Variants in ZNF324B observed in about 807,000 individuals in gnomAD.
ZNF324B encodes zinc finger protein 324B.
ZNF324B carries 7 observed loss-of-function variants against 10.6 expected under a neutral mutation model. The ratio of observed to expected loss-of-function variants is 0.66; its 90% confidence interval spans 0.38 to 1.24. The LOEUF (loss-of-function observed/expected upper bound fraction) is 1.24. Among genes scored for constraint, ZNF324B ranks in the 50% most tolerant of loss-of-function variants. The pLI is 0.02. For missense variants in ZNF324B, 640 were observed against 764.7 expected, an observed-to-expected ratio of 0.84 and a Z score of 1.92; for synonymous variants, 316 against 321.0, an observed-to-expected ratio of 0.98 and a Z score of 0.17.
At chr19:58,444,492 G>A in the ZNF324B span, 1 of 152,166 alleles carries the variant, frequency 6.6e-6, no homozygotes, top group African/African-American at 2.4e-5. Flanking sequence ...TAAATACATA[G>A]ATACCTAAAT....
the ZNF324B span, among the ~76,000 whole-genome samples, chr19:58,431,788 G>A: frequency 2.0e-5 from 3 of 152,158 alleles, no homozygotes; most frequent in Non-Finnish European, 4.4e-5. Flanking sequence ...TCAGGAGATC[G>A]AGACCATCCT....
At position 58,456,612 on chromosome 19, in the gene ZNF324B, C is replaced by G. The variant is rs56662577; in HGVS notation, c.*33C>G. Reference sequence around the variant, plus strand: ...GGTCGCAGCCCAACCCTTTCTTGGCCTTCTGTGAATCCCTTCCACAGCTAA... The same window carrying G: ...GGTCGCAGCCCAACCCTTTCTTGGCGTTCTGTGAATCCCTTCCACAGCTAA... On this transcript the variant is annotated 3_prime_UTR_variant, in exon 4 of 4. Coordinates refer to ENST00000336614, the MANE Select transcript of ZNF324B (RefSeq NM_207395.3). This position sits in a 1 kb window ranked among gnomAD's most constrained non-coding sequence, Gnocchi z 4.7. The G allele has an allele frequency of 1.3e-3, 2,013 of 1,594,374 alleles. 25 individuals are homozygous for G. In the African/African-American group the frequency reaches 0.024, roughly 19 times the overall value.
At chr19:58,437,268 G>T in the ZNF324B span, 2 of 1,528,398 alleles carry the variant, frequency 1.3e-6, no homozygotes, top group East Asian at 4.5e-5. Flanking sequence ...ACCTTGCTGT[G>T]TGACTCAGAA....
chr19:58,438,472 A>AT, the ZNF324B span, among the ~76,000 whole-genome samples: 37,292 of 129,766 alleles, frequency 0.29, 6,837 homozygotes, highest in African/African-American at 0.49. Flanking sequence ...TCTAAGGTCA[A>AT]TTTTTTTTTT....
chr19:58,421,661 G>T, the ZNF324B span, among the ~76,000 whole-genome samples: 1 of 152,132 alleles, frequency 6.6e-6, no homozygotes, highest in Non-Finnish European at 1.5e-5. Flanking sequence ...TTACAGGCGT[G>T]AGCCACCGTG....
the ZNF324B span, among the ~76,000 whole-genome samples, chr19:58,438,930 C>T: frequency 1.2e-4 from 18 of 152,014 alleles, no homozygotes; most frequent in Non-Finnish European, 1.5e-4. Flanking sequence ...ACTACCATGT[C>T]CTGGCTAATT....
chr19:58,442,411 T>A, the ZNF324B span: 2 of 151,510 alleles, frequency 1.3e-5, no homozygotes, highest in African/African-American at 4.9e-5. Flanking sequence ...CCTGACCTCA[T>A]GATCCACCCG....
chr19:58,439,422 C>T, the ZNF324B span, among the ~76,000 whole-genome samples: 1 of 152,222 alleles, frequency 6.6e-6, no homozygotes, highest in East Asian at 1.9e-4. Flanking sequence ...TATTGGTTTC[C>T]CTTCCCTGTT....
the ZNF324B span, chr19:58,437,200 A>G: frequency 1.3e-6 from 2 of 1,599,404 alleles, no homozygotes; most frequent in East Asian, 2.2e-5. Context: ...GCTGAGCCAC[A>G]GGGCCAAGAA....
At chr19:58,428,508 C>A in the ZNF324B span, 1 of 152,150 alleles carries the variant, frequency 6.6e-6, no homozygotes. Flanking sequence ...ATGAAGGCCA[C>A]GGCCATATGA....
chr19:58,421,719 T>C, the ZNF324B span, among the ~76,000 whole-genome samples: 1 of 152,196 alleles, frequency 6.6e-6, no homozygotes, highest in Non-Finnish European at 1.5e-5. Flanking sequence ...CATAAAATTA[T>C]GAAATACTTA....
At chr19:58,445,233 C>T in the ZNF324B span, 1 of 333,112 alleles carries the variant, frequency 3.0e-6, no homozygotes, top group African/African-American at 2.2e-5. Flanking sequence ...TCAGAGAGGC[C>T]CAGTGCATGC....
At position 58,456,036 on chromosome 19, in the gene ZNF324B, G is replaced by A. The variant is rs769075987; in HGVS notation, c.1092G>A (p.Ala364=). ...TCAGCCAGCACCGCAAGATCCACGC[G>A]GGTGGGCGTCCTTATGCTTGCGCAC... ...SNLSQHRKIH[A]GGRPYACAQC... Residue 364 remains alanine (A), a synonymous_variant, in exon 4 of 4, where the codon GCG becomes GCA. Transcript: ENST00000336614. The surrounding 1 kb of genome is among the most constrained non-coding windows in gnomAD (Gnocchi z 4.7). The A allele has an allele frequency of 6.9e-6, 11 of 1,604,610 alleles. No individual in the cohort carries two copies. Among genetic ancestry groups the A allele is most frequent in the Non-Finnish European group, 9.4e-6 (11 of 1,175,460 alleles).
chr19:58,452,343 CAT>C (rs1318407820), intron 1 of ZNF324B: 2 of 102,682 alleles, frequency 1.9e-5, no homozygotes, highest in Non-Finnish European at 3.7e-5. Flanking sequence ...CGTCGGGAGA[CAT>C]AGAAGTTTTG....
chr19:58,440,111 C>A, the ZNF324B span: 2 of 454,176 alleles, frequency 4.4e-6, no homozygotes, highest in Non-Finnish European at 7.8e-6. Context: ...CTCCAGAGGC[C>A]TGCTGTAGCC....
chr19:58,445,311 G>A, the ZNF324B span: 5 of 472,174 alleles, frequency 1.1e-5, no homozygotes, highest in South Asian at 4.7e-5. Context: ...AGCATTGTGA[G>A]TGTAGCATGT....
At chr19:58,440,741 C>G in the ZNF324B span, 1 of 152,122 alleles carries the variant, frequency 6.6e-6, no homozygotes, top group Non-Finnish European at 1.5e-5. Context: ...CAGGTTGCAC[C>G]GCGCGGAGGT....
At chr19:58,453,305 C>A in intron 1 of ZNF324B, 1 of 284,082 alleles carries the variant, frequency 3.5e-6, no homozygotes, top group South Asian at 3.4e-5. Context: ...ATGGGCATGC[C>A]TGGGGGGTCC....
chr19:58,445,480 A>G, the ZNF324B span: 1 of 518,974 alleles, frequency 1.9e-6, no homozygotes, highest in Non-Finnish European at 3.8e-6. Flanking sequence ...TTTTGATTAT[A>G]GTAAATGTAG....
Sources: gnomAD v4.1 joint callset for allele counts (sites outside exome capture counted in the v4.1 genomes callset) on GRCh38, gnomAD v4.1.1 for gene constraint, Gnocchi (gnomAD v3.1) non-coding constraint, MANE v1.5 for transcripts, NCBI Gene and HGNC (gene_info 2026-07-23, HGNC 2026-07-21) for gene names.